The following PODXL2 variants were observed in gnomAD, a reference collection of about 807,000 sequenced individuals.
PODXL2 encodes podocalyxin like 2, also known as podocalyxin-like protein 2.
PODXL2 carries 17 observed loss-of-function variants against 53.4 expected under a neutral mutation model. That is an observed-to-expected ratio of 0.32 (90% CI 0.22 to 0.48). PODXL2 has a LOEUF of 0.48. PODXL2 is among the 20% of genes least tolerant of loss of function. The probability of loss-of-function intolerance (pLI) is 0.99; values close to 1 mark genes in which losing one functional copy is unlikely to be tolerated. For synonymous variants in PODXL2, 311 were observed against 306.7 expected (o/e 1.01, Z -0.15); for missense variants, 673 against 760.0 (o/e 0.89, Z 1.35).
chr3:127,652,307 C>T (rs1317132380), intron 2 of PODXL2, among the ~76,000 whole-genome samples: 3 of 152,182 alleles, frequency 2.0e-5, no homozygotes, highest in African/African-American at 7.2e-5. Context: ...CCCAACTGTT[C>T]TGAGGGCTCT....
rs2074857561 is a variant in PODXL2, at chr3:127,672,488, C to T, written c.*8C>T. On this transcript the variant is annotated 3_prime_UTR_variant, in exon 8 of 8. Coordinates refer to ENST00000342480, the MANE Select transcript of PODXL2 (RefSeq NM_015720.4). ...GAGGACACGCACCTGTGAGCGCAGCCGAGGCGCAGGCCGAGTGGGCCGCCA... is the reference window on the plus strand; with the variant it reads ...GAGGACACGCACCTGTGAGCGCAGCTGAGGCGCAGGCCGAGTGGGCCGCCA... 6.8e-7 allele frequency: 1 copy of T among 1,475,614 alleles called. No homozygotes were observed. Among genetic ancestry groups the T allele is most frequent in the African/African-American group, 1.4e-5 (1 of 69,610 alleles). 91.4% of individuals were successfully genotyped at this position (1,475,614 alleles called of 1,614,324 possible). A position where few individuals can be genotyped will look rare whatever the true frequency, so the allele number is the denominator to read the frequency against.
At chr3:127,634,425 CA>C (rs1222853241) in intron 1 of PODXL2, among the ~76,000 whole-genome samples, 108 of 118,508 alleles carry the variant, frequency 9.1e-4, no homozygotes, top group Non-Finnish European at 8.8e-4. Flanking sequence ...AACTCCATCT[CA>C]AAAAAAAAAA....
At chr3:127,634,724 GAAAAAATAAATAAAAAT>G (rs967504622) in intron 1 of PODXL2, among the ~76,000 whole-genome samples, 1 of 151,988 alleles carries the variant, frequency 6.6e-6, no homozygotes, top group Non-Finnish European at 1.5e-5. Context: ...GAAACTGTCT[GAAAAAATAAATAAAAAT>G]AAAAAATAAA....
At chr3:127,632,274 G>T (rs9829640) in intron 1 of PODXL2, among the ~76,000 whole-genome samples, 1 of 152,114 alleles carries the variant, frequency 6.6e-6, no homozygotes, top group South Asian at 2.1e-4. Context: ...CAGCCTCCCC[G>T]CCTGCCATGC....
intron 2 of PODXL2, among the ~76,000 whole-genome samples, chr3:127,642,962 A>G (rs983185290): frequency 1.4e-4 from 21 of 152,224 alleles, no homozygotes; most frequent in Admixed American, 5.9e-4. Flanking sequence ...TTCACACACC[A>G]TCATACATTT....
rs1046459296 is a variant in PODXL2 at position 127,632,036 on chromosome 3, T to G, written c.70+2747T>G. Among the ~76,000 whole-genome samples, 37 of 152,076 alleles carry G rather than the reference T, an allele frequency of 2.4e-4. 1 individual carries two copies. Among genetic ancestry groups the G allele is most frequent in the Admixed American group, 2.2e-3 (34 of 15,274 alleles). ...TTCCTGGCTTGACAGGTGGGAGAGC[T>G]CAGAGAGGTGGGGGCTCACTGGAGC... is the stretch of plus-strand genomic sequence containing the variant. On this transcript the variant is annotated intron_variant, in intron 1 of 7. Coordinates refer to ENST00000342480, the MANE Select transcript of PODXL2 (RefSeq NM_015720.4).
intron 2 of PODXL2, among the ~76,000 whole-genome samples, chr3:127,652,682 G>A (rs2107709518): frequency 6.6e-6 from 1 of 152,198 alleles, no homozygotes; most frequent in African/African-American, 2.4e-5. Flanking sequence ...CGGGCGGCTC[G>A]GCTTCCTCAC....
chr3:127,671,396 G>A (rs2074835927), intron 6 of PODXL2, 38 bp from the exon 7 acceptor site: 1 of 1,600,196 alleles, frequency 6.2e-7, no homozygotes, highest in Non-Finnish European at 8.6e-7. Flanking sequence ...TGGCACCCCA[G>A]GACCTCAGCT....
In PODXL2 at chr3:127,671,463, C is replaced by T; in HGVS notation, c.1455C>T (p.Ser485=). 1 of 1,614,120 alleles carries T rather than the reference C, an allele frequency of 6.2e-7. No homozygotes were observed. Among genetic ancestry groups the T allele is most frequent in the Admixed American group, 1.7e-5 (1 of 60,024 alleles). ...EIGIQNYSTT[S]SCQARASQVR... ...GCATCCAGAACTATTCCACAACCAGCAGCTGCCAGGCGCGGGCCAGCCAGG... is the reference window on the plus strand; with the variant it reads ...GCATCCAGAACTATTCCACAACCAGTAGCTGCCAGGCGCGGGCCAGCCAGG... Residue 485 remains serine, a synonymous_variant, in exon 7 of 8, where the codon AGC becomes AGT. Coordinates refer to ENST00000342480, the MANE Select transcript of PODXL2 (RefSeq NM_015720.4).
Position 127,640,351 on chromosome 3 carries a change from T to C in PODXL2, c.349+828T>C, listed in dbSNP as rs9863917. 9.7e-3 allele frequency among the ~76,000 whole-genome samples: 1,474 copies of C among 152,314 alleles called. 31 individuals are homozygous for C. The highest frequency in any genetic ancestry group is 0.033 in the African/African-American group (1,364 of 41,564). ...TATTTATTGGATTTACCTTTTCTAA[T>C]TATAAAAGAACACATGAACATTGTA... On this transcript the variant is annotated intron_variant, in intron 2 of 7. Coordinates refer to ENST00000342480, the MANE Select transcript of PODXL2 (RefSeq NM_015720.4).
intron 4 of PODXL2, among the ~76,000 whole-genome samples, chr3:127,664,462 G>T (rs570623691): frequency 6.6e-6 from 1 of 152,042 alleles, no homozygotes; most frequent in Middle Eastern, 3.2e-3. Context: ...TGCTGGGAAT[G>T]TGCTGTGCAA....
intron 1 of PODXL2, among the ~76,000 whole-genome samples, chr3:127,637,833 A>G (rs957643291): frequency 6.6e-6 from 1 of 152,204 alleles, no homozygotes; most frequent in Non-Finnish European, 1.5e-5. Flanking sequence ...GACTCACAGG[A>G]CAGTCTGAAA....
Position 127,671,595 on chromosome 3 carries a change from G to A in PODXL2, c.1587G>A (p.Leu529=), listed in dbSNP as rs772051030. 2 of 1,613,518 alleles carry A rather than the reference G, an allele frequency of 1.2e-6. No homozygotes were observed. Among genetic ancestry groups the A allele is most frequent in the Admixed American group, 3.3e-5 (2 of 60,008 alleles). Residue 529 remains leucine (L), a synonymous_variant, in exon 7 of 8, where the codon CTG becomes CTA. Transcript: ENST00000342480. ...GLLYNCWQRR[L]PKLKHVSHGE... ...TCTACAACTGCTGGCAGCGCCGGCT[G>A]CCCAAGCTCAAGCACGTGGTGAGTG...
chr3:127,666,223 T>A (rs1391730289), intron 4 of PODXL2, among the ~76,000 whole-genome samples: 3 of 152,168 alleles, frequency 2.0e-5, no homozygotes, highest in Non-Finnish European at 4.4e-5. Context: ...ATCAAGGAAC[T>A]TTTTTTGTTT....
chr3:127,636,668 C>T (rs1242963160), intron 1 of PODXL2, among the ~76,000 whole-genome samples: 1 of 152,220 alleles, frequency 6.6e-6, no homozygotes, highest in Non-Finnish European at 1.5e-5. Flanking sequence ...GTGCCTAGGA[C>T]AGCAGAAGAC....
intron 2 of PODXL2, among the ~76,000 whole-genome samples, chr3:127,657,109 G>C (rs1242842334): frequency 6.6e-6 from 1 of 152,214 alleles, no homozygotes; most frequent in South Asian, 2.1e-4. Flanking sequence ...AGATAAGTTA[G>C]TGGCTGAGTC....
chr3:127,646,090 T>G (rs1415548203), intron 2 of PODXL2, among the ~76,000 whole-genome samples: 2 of 152,216 alleles, frequency 1.3e-5, no homozygotes, highest in Non-Finnish European at 2.9e-5. Context: ...CATCAATCAA[T>G]GTATTCAACA....
At chr3:127,659,788 G>A (rs899797325) in intron 2 of PODXL2, among the ~76,000 whole-genome samples, 1 of 152,154 alleles carries the variant, frequency 6.6e-6, no homozygotes, top group Non-Finnish European at 1.5e-5. Context: ...GAAAACTCTG[G>A]GCTCAGCCCC....
intron 2 of PODXL2, among the ~76,000 whole-genome samples, chr3:127,644,505 G>T (rs2107706460): frequency 6.6e-6 from 1 of 152,284 alleles, no homozygotes; most frequent in Admixed American, 6.5e-5. Flanking sequence ...CTAGTGTGAG[G>T]TAAGCAGTCA....
Sources: allele counts gnomAD v4.1 joint callset (sites outside exome capture counted in the v4.1 genomes callset), GRCh38; gene constraint gnomAD v4.1.1; transcripts MANE v1.5; gene names NCBI Gene and HGNC (gene_info 2026-07-23, HGNC 2026-07-21).